NRG3: variants seen among roughly 807,000 people sequenced by gnomAD.
NRG3 encodes the protein neuregulin 3, also known as pro-neuregulin-3, membrane-bound isoform.
Under a neutral mutation model 66.9 loss-of-function variants are expected in NRG3, and 31 were observed. The observed-to-expected ratio is 0.46, with a 90% CI of 0.35 to 0.63. The LOEUF is 0.63. Among genes scored for constraint, NRG3 ranks in the 20% least tolerant of loss-of-function variants. NRG3 has a pLI of 0.00. For missense variants in NRG3, 910 were observed against 878.9 expected, an observed-to-expected ratio of 1.04 and a Z score of -0.45; for synonymous variants, 393 against 359.4, an observed-to-expected ratio of 1.09 and a Z score of -1.06.
chr10:82,961,621 G>A (rs1204501794), intron 6 of NRG3, among the ~76,000 whole-genome samples: 1 of 152,234 alleles, frequency 6.6e-6, no homozygotes, highest in Non-Finnish European at 1.5e-5. Flanking sequence ...TGCATGCTGG[G>A]AGAAGAATGC....
At chr10:82,984,927 A>C (rs1483147252) in intron 8 of NRG3, 171 bp from the exon 9 acceptor site, 2 of 1,247,866 alleles carry the variant, frequency 1.6e-6, no homozygotes, top group Non-Finnish European at 2.4e-6. Flanking sequence ...CACTTCACCT[A>C]TCTGAGCTTC....
intron 2 of NRG3, among the ~76,000 whole-genome samples, chr10:82,556,879 G>A (rs187830547): frequency 2.6e-4 from 39 of 152,256 alleles, no homozygotes; most frequent in Admixed American, 1.1e-3. Flanking sequence ...ACTTTTAAGT[G>A]AGAACATGCA....
chr10:82,613,815 C>A (rs891772559), intron 2 of NRG3, among the ~76,000 whole-genome samples: 4 of 148,776 alleles, frequency 2.7e-5, no homozygotes, highest in Admixed American at 6.7e-5. Context: ...TTAGGTATAT[C>A]TCCTAATGCT....
intron 1 of NRG3, among the ~76,000 whole-genome samples, chr10:81,905,124 G>C (rs775930474): frequency 6.6e-6 from 1 of 152,224 alleles, no homozygotes; most frequent in East Asian, 1.9e-4. Flanking sequence ...AAAAAGGAAA[G>C]GGCTTTCATT....
At chr10:82,153,004 G>T (rs954261710) in intron 1 of NRG3, among the ~76,000 whole-genome samples, 5 of 151,628 alleles carry the variant, frequency 3.3e-5, no homozygotes, top group Admixed American at 6.6e-5. Context: ...ACACATTGTA[G>T]AAAGATTAAA....
chr10:82,375,886 A>T (rs2085199545), intron 2 of NRG3, among the ~76,000 whole-genome samples: 1 of 152,232 alleles, frequency 6.6e-6, no homozygotes, highest in African/African-American at 2.4e-5. Context: ...ATCAAAGAAA[A>T]GTGGAGACAT....
chr10:82,666,262 T>A (rs557681301), intron 2 of NRG3, among the ~76,000 whole-genome samples: 48 of 152,330 alleles, frequency 3.2e-4, no homozygotes, highest in African/African-American at 9.9e-4. Flanking sequence ...CTATTCTTTA[T>A]CATCTATGTG....
chr10:82,173,484 A>G (rs561207008), intron 1 of NRG3, among the ~76,000 whole-genome samples: 2 of 152,238 alleles, frequency 1.3e-5, no homozygotes, highest in South Asian at 2.1e-4. Flanking sequence ...ATACACACCT[A>G]TTAAAACATA....
chr10:82,626,111 C>T (rs2049402526), intron 2 of NRG3, among the ~76,000 whole-genome samples: 1 of 152,124 alleles, frequency 6.6e-6, no homozygotes, highest in Non-Finnish European at 1.5e-5. Flanking sequence ...CTCAGGGACC[C>T]TCATCATTAC....
intron 2 of NRG3, among the ~76,000 whole-genome samples, chr10:82,711,292 G>T (rs920220094): frequency 3.3e-5 from 5 of 151,838 alleles, no homozygotes; most frequent in African/African-American, 1.2e-4. Context: ...CTGCCATGTT[G>T]CCCAGGCTGG....
chr10:82,180,551 T>G (rs559780427), intron 1 of NRG3, among the ~76,000 whole-genome samples: 1 of 152,090 alleles, frequency 6.6e-6, no homozygotes, highest in East Asian at 1.9e-4. Flanking sequence ...CTTGATTAAT[T>G]TTTGTCTGTT....
At chr10:82,889,731 G>A (rs1341406834) in intron 4 of NRG3, among the ~76,000 whole-genome samples, 2 of 152,210 alleles carry the variant, frequency 1.3e-5, no homozygotes, top group Non-Finnish European at 2.9e-5. Flanking sequence ...AGTCTTAAGT[G>A]ATTCCCATTC....
At chr10:82,962,194 A>T (rs1306259953) in intron 6 of NRG3, among the ~76,000 whole-genome samples, 3 of 152,184 alleles carry the variant, frequency 2.0e-5, no homozygotes, top group African/African-American at 4.8e-5. Context: ...ATTGTTTTAA[A>T]AACAAATAAA....
intron 1 of NRG3, among the ~76,000 whole-genome samples, chr10:82,025,150 A>C (rs1484999569): frequency 6.6e-6 from 1 of 151,794 alleles, no homozygotes; most frequent in Non-Finnish European, 1.5e-5. Flanking sequence ...CTTATTTTTT[A>C]AATTAATATT....
At chr10:82,357,554 C>A (rs1179291456) in intron 1 of NRG3, among the ~76,000 whole-genome samples, 1 of 152,172 alleles carries the variant, frequency 6.6e-6, no homozygotes, top group African/African-American at 2.4e-5. Context: ...TTCTTGCTGG[C>A]AAGGACTCTG....
intron 1 of NRG3, among the ~76,000 whole-genome samples, chr10:81,920,367 G>A (rs117330265): frequency 0.022 from 3,340 of 152,072 alleles, 78 homozygotes; most frequent in South Asian, 0.082. Flanking sequence ...CTGTGGCATC[G>A]ATTCCTGGTG....
intron 3 of NRG3, among the ~76,000 whole-genome samples, chr10:82,846,801 A>G (rs566244666): frequency 6.6e-6 from 1 of 152,382 alleles, no homozygotes; most frequent in Non-Finnish European, 1.5e-5. Context: ...TAAATTCTGC[A>G]GTAGTTTGGT....
chr10:82,803,279 GT>G (rs1241152396), intron 3 of NRG3, among the ~76,000 whole-genome samples: 2 of 152,150 alleles, frequency 1.3e-5, no homozygotes, highest in Admixed American at 1.3e-4. Context: ...GTGAGAGTCG[GT>G]TTAGAAGTTT....
chr10:81,893,323 G>T (rs1564637040), intron 1 of NRG3, among the ~76,000 whole-genome samples: 1 of 152,058 alleles, frequency 6.6e-6, no homozygotes. Context: ...TAATGGTTCT[G>T]TGATGATGTA....
Sources: gnomAD v4.1 joint callset for allele counts (sites outside exome capture counted in the v4.1 genomes callset) on GRCh38, gnomAD v4.1.1 for gene constraint, MANE v1.5 for transcripts, NCBI Gene and HGNC (gene_info 2026-07-23, HGNC 2026-07-21) for gene names.